The following TG variants were observed in gnomAD, a reference collection of about 807,000 sequenced individuals.
TG encodes the protein thyroglobulin.
TG carries 270 observed loss-of-function variants against 324.7 expected under a neutral mutation model. That is an observed-to-expected ratio of 0.83 (90% CI 0.75 to 0.92). The LOEUF is 0.92. Among genes scored for constraint, TG ranks in the 40% least tolerant of loss-of-function variants. The pLI is 0.00. For missense variants in TG, 3,591 were observed against 3,456.4 expected (o/e 1.04, Z -0.98); for synonymous variants, 1,401 against 1,327.0 (o/e 1.06, Z -1.21).
intron 43 of TG, among the ~76,000 whole-genome samples, chr8:133,105,009 A>C (rs192209341): frequency 6.6e-6 from 1 of 152,136 alleles, no homozygotes; most frequent in Non-Finnish European, 1.5e-5. Flanking sequence ...TGAACAAAGG[A>C]GTGTTGTGTC....
chr8:133,046,883 A>G (rs1839515920), intron 41 of TG, among the ~76,000 whole-genome samples: 1 of 152,236 alleles, frequency 6.6e-6, no homozygotes, highest in African/African-American at 2.4e-5. Context: ...CTCTAGCACC[A>G]GGTGGCTTTG....
At chr8:133,047,703 C>T (rs1013935482) in intron 41 of TG, 2 of 710,882 alleles carry the variant, frequency 2.8e-6, no homozygotes, top group Non-Finnish European at 5.2e-6. Flanking sequence ...CTGCAGGGAG[C>T]TTAACTACAT....
At chr8:133,125,002 C>T (rs2131818685) in intron 45 of TG, among the ~76,000 whole-genome samples, 1 of 152,304 alleles carries the variant, frequency 6.6e-6, no homozygotes, top group East Asian at 1.9e-4. Flanking sequence ...GGATTATTTC[C>T]CAGTGTAGAT....
At chr8:133,006,330 A>G (rs1179942745) in intron 35 of TG, among the ~76,000 whole-genome samples, 1 of 152,254 alleles carries the variant, frequency 6.6e-6, no homozygotes, top group African/African-American at 2.4e-5. Context: ...CGTGTGTCGG[A>G]ATCACCAGGA....
chr8:132,886,498 T>C lies in TG; in HGVS notation c.1126T>C (p.Tyr376His). ...AAGGCAGCAGGCCTTGTCCAGACTC[T>C]ACTTTGGGACCTCAGGCTACTTCAG... is the stretch of plus-strand genomic sequence containing the variant. ...SERQQALSRL[Y>H]FGTSGYFSQH... The change falls in exon 9 of 48, where the codon TAC becomes CAC. Residue 376 changes from tyrosine (Y) to histidine (H), a missense_variant. Physicochemically the swap from Tyr to His is moderately conservative, Grantham distance 83. Coordinates refer to ENST00000220616, the MANE Select transcript of TG (RefSeq NM_003235.5). 6 of 1,614,212 alleles carry C rather than the reference T, an allele frequency of 3.7e-6. No individual in the cohort carries two copies. Among genetic ancestry groups the C allele is most frequent in the Non-Finnish European group, 5.1e-6 (6 of 1,180,036 alleles).
At chr8:132,987,748 GTA>G (rs1831755104) in intron 35 of TG, among the ~76,000 whole-genome samples, 4 of 151,718 alleles carry the variant, frequency 2.6e-5, no homozygotes, top group African/African-American at 9.7e-5. Context: ...GTGTGTGTGT[GTA>G]TAAGCCACCC....
rs114476213 is a variant in TG at position 132,938,576 on chromosome 8, G to C, written c.5041+2712G>C. On this transcript the variant is annotated intron_variant, in intron 25 of 47. Transcript: ENST00000220616. ...TTTTGTAGGCACTGTGGATACATCT[G>C]TGAGCAAAACAGAATCACTGATAGG... Among the ~76,000 whole-genome samples the C allele has an allele frequency of 2.2e-3, 329 of 152,288 alleles. 1 individual carries two copies. Among genetic ancestry groups the C allele is most frequent in the African/African-American group, 7.7e-3 (322 of 41,556 alleles).
chr8:133,060,416 G>T, intron 41 of TG: 1 of 1,490,190 alleles, frequency 6.7e-7, no homozygotes, highest in Non-Finnish European at 8.9e-7. Flanking sequence ...CACAGAGAGG[G>T]AAGTTGCTAG....
intron 41 of TG, chr8:133,074,710 G>T (rs1242659263): frequency 7.5e-6 from 2 of 266,086 alleles, no homozygotes; most frequent in East Asian, 1.8e-4. Flanking sequence ...CCAGGTTGGG[G>T]GCTGGGCTTC....
At chr8:132,995,575 A>C in intron 35 of TG, 2 of 963,630 alleles carry the variant, frequency 2.1e-6, no homozygotes, top group Middle Eastern at 1.1e-3. Flanking sequence ...TTGCCCACGC[A>C]CCCAGGATCA....
chr8:133,012,052 A>T lies in TG; in HGVS notation c.6397+17A>T. On this transcript the variant is annotated intron_variant, in intron 36 of 47. Coordinates refer to ENST00000220616, the MANE Select transcript of TG (RefSeq NM_003235.5). ...GTTTGTCGGGTAAGGGGAGTTTCCA[A>T]CCCACAGGTTGGGTGGGACAAAACC... 6.2e-7 allele frequency: 1 copy of T among 1,614,092 alleles called. No individual in the cohort carries two copies. Among genetic ancestry groups the T allele is most frequent in the Non-Finnish European group, 8.5e-7 (1 of 1,180,002 alleles).
At position 132,873,103 on chromosome 8, in the gene TG, G is replaced by C. The variant is rs370188499; in HGVS notation, c.520G>C (p.Gly174Arg). ...AATAAGAAATCGTCGTCTTCTCCAC[G>C]GGGTGGGAGATAAGTCACCACCCCA... ...CEIRNRRLLH[G>R]VGDKSPPQCS... Residue 174 changes from glycine (G) to arginine (R), a missense_variant, in exon 5 of 48, where the codon GGG becomes CGG. Coordinates refer to ENST00000220616, the MANE Select transcript of TG (RefSeq NM_003235.5). 7.4e-6 allele frequency: 12 copies of C among 1,614,118 alleles called. No individual in the cohort carries two copies. The highest frequency in any genetic ancestry group is 1.0e-5 in the Non-Finnish European group (12 of 1,180,014).
At chr8:132,955,763 C>T (rs888814285) in intron 27 of TG, among the ~76,000 whole-genome samples, 5 of 152,192 alleles carry the variant, frequency 3.3e-5, no homozygotes, top group Admixed American at 3.3e-4. Flanking sequence ...TGTGCTTTTC[C>T]GTTTAGGATC....
rs543344513 is a variant in TG at position 133,026,235 on chromosome 8, CCA to C, written c.7037-3585_7037-3584del. Among the ~76,000 whole-genome samples, 21 of 152,292 alleles carry C rather than the reference CCA, an allele frequency of 1.4e-4. 1 individual carries two copies. In the South Asian group the frequency reaches 4.1e-3, roughly 30 times the overall value. The stretch of plus-strand genomic sequence containing the variant: ...TATGTGCAGCATCTGCTGCTGTATC[CCA>C]GAGTGAAAACGGTCCCTGAGAGCCC... On this transcript the variant is annotated intron_variant, in intron 40 of 47. Coordinates refer to ENST00000220616, the MANE Select transcript of TG (RefSeq NM_003235.5).
At chr8:132,913,595 A>G (rs771904593) in intron 20 of TG, among the ~76,000 whole-genome samples, 3 of 152,140 alleles carry the variant, frequency 2.0e-5, no homozygotes, top group East Asian at 1.9e-4. Context: ...GGCTGTGGCA[A>G]TGTTACTCAC....
intron 35 of TG, among the ~76,000 whole-genome samples, chr8:132,988,392 G>A (rs1054643764): frequency 2.6e-5 from 4 of 152,204 alleles, no homozygotes; most frequent in African/African-American, 7.2e-5. Context: ...GACCATGCAA[G>A]TAGCTCAGTG....
At chr8:133,000,613 T>A (rs548597316) in intron 35 of TG, among the ~76,000 whole-genome samples, 1 of 152,280 alleles carries the variant, frequency 6.6e-6, no homozygotes, top group South Asian at 2.1e-4. Flanking sequence ...ATCAGACAGC[T>A]GCGTGTGGAT....
chr8:133,075,501 T>C (rs1234931957), intron 41 of TG, among the ~76,000 whole-genome samples: 3 of 152,252 alleles, frequency 2.0e-5, no homozygotes, highest in African/African-American at 7.2e-5. Context: ...TTTGAATATA[T>C]ACTGCACAGT....
chr8:132,923,444 C>T lies in TG; in HGVS notation c.4635C>T (p.Asp1545=), dbSNP rs751370448. Residue 1545 remains aspartate (D), a synonymous_variant, in exon 22 of 48, where the codon GAC becomes GAT. Transcript: ENST00000220616. ...DRGSGKAFCV[D]GEGRRLPWWE... is the part of the protein sequence containing the mutation. ...GCAGTGGGAAGGCCTTCTGTGTGGA[C>T]GGCGAGGGGCGGAGGCTGCCATGGT... 34 of 1,613,840 alleles carry T rather than the reference C, an allele frequency of 2.1e-5. 1 individual carries two copies. The highest frequency in any genetic ancestry group is 1.2e-4 in the South Asian group (11 of 91,064).
Sources: allele counts gnomAD v4.1 joint callset (sites outside exome capture counted in the v4.1 genomes callset), GRCh38; gene constraint gnomAD v4.1.1; transcripts MANE v1.5; gene names NCBI Gene and HGNC (gene_info 2026-07-23, HGNC 2026-07-21).